The following PLCG1 variants were observed in gnomAD, a reference collection of about 807,000 sequenced individuals.
The protein encoded by PLCG1 is 1-phosphatidylinositol 4,5-bisphosphate phosphodiesterase gamma-1.
Under a neutral mutation model 177.8 loss-of-function variants are expected in PLCG1, and 71 were observed. The observed-to-expected ratio is 0.40, with a 90% CI of 0.33 to 0.49. PLCG1 has a LOEUF of 0.49. Among genes scored for constraint, PLCG1 ranks in the 20% least tolerant of loss-of-function variants. PLCG1 has a pLI of 0.72. For synonymous variants in PLCG1, 658 were observed against 647.9 expected (o/e 1.02, Z -0.24); for missense variants, 1,281 against 1,709.0 (o/e 0.75, Z 4.42).
At chr20:41,171,164 C>A (rs1195600162) in intron 24 of PLCG1, among the ~76,000 whole-genome samples, 1 of 152,166 alleles carries the variant, frequency 6.6e-6, no homozygotes, top group Non-Finnish European at 1.5e-5. Context: ...GAGAGGGCAC[C>A]CGCAAGCCAA....
In PLCG1 at chr20:41,173,998, T is replaced by C. The variant is rs765347809; in HGVS notation, c.3632T>C (p.Ile1211Thr). 3.7e-6 allele frequency: 6 copies of C among 1,613,774 alleles called. 1 individual carries two copies. In the South Asian group the frequency reaches 6.6e-5, roughly 18 times the overall value. ...ELASLLIKIDIFPAKQENGDL... is the reference protein window; with the variant it reads ...ELASLLIKIDTFPAKQENGDL... The stretch of plus-strand genomic sequence containing the variant: ...GCCTCCCTGCTGATCAAGATTGACA[T>C]TTTCCCTGCCAAGGTATCTGCAGCA... The change falls in exon 30 of 32, where the codon ATT (isoleucine) becomes ACT (threonine). Residue 1211 changes from isoleucine (I) to threonine (T), a missense_variant. Coordinates refer to ENST00000685551, the MANE Select transcript of PLCG1 (RefSeq NM_002660.3). The surrounding 1 kb of genome is among the most constrained non-coding windows in gnomAD (Gnocchi z 6.2).
rs571170027 is a variant in PLCG1, at chr20:41,177,314, G to T, written c.*2805G>T. 3.9e-5 allele frequency: 6 copies of T among 152,270 alleles called. No individual in the cohort carries two copies. Among genetic ancestry groups the T allele is most frequent in the Non-Finnish European group, 2.9e-5 (2 of 68,056 alleles). The allele number at this position is 152,270 out of a possible 1,614,324, so 9.4% of individuals were successfully genotyped here. ...ACAAGGTCAGGGGCATTCTGCCCCC[G>T]CCACAGGACTAAAGACTGCCCTGCG... is the stretch of plus-strand genomic sequence containing the variant. On this transcript the variant is annotated 3_prime_UTR_variant, in exon 32 of 32. Transcript: ENST00000685551.
In PLCG1 at chr20:41,173,698, C is replaced by T; in HGVS notation, c.3441C>T (p.Phe1147=). 6.2e-7 allele frequency: 1 copy of T among 1,614,212 alleles called. No homozygotes were observed. The highest frequency in any genetic ancestry group is 8.5e-7 in the Non-Finnish European group (1 of 1,180,040). ...NPVWPAKPFH[F]QISNPEFAFL... ...TATGGCCAGCCAAGCCCTTCCACTT[C>T]CAGATCAGTAACCCTGAATTTGCCT... The change falls in exon 29 of 32, where the codon TTC becomes TTT. Residue 1147 remains phenylalanine, a synonymous_variant. Coordinates refer to ENST00000685551, the MANE Select transcript of PLCG1 (RefSeq NM_002660.3). The surrounding 1 kb of genome is among the most constrained non-coding windows in gnomAD (Gnocchi z 6.2).
Position 41,160,783 on chromosome 20 carries a change from G to T in PLCG1, c.512+630G>T, listed in dbSNP as rs1391922081. Among the ~76,000 whole-genome samples, 1 of 152,212 alleles carries T rather than the reference G, an allele frequency of 6.6e-6. No individual in the cohort carries two copies. Among genetic ancestry groups the T allele is most frequent in the Non-Finnish European group, 1.5e-5 (1 of 68,040 alleles). On this transcript the variant is annotated intron_variant, in intron 4 of 31. Coordinates refer to ENST00000685551, the MANE Select transcript of PLCG1 (RefSeq NM_002660.3). This position sits in a 1 kb window ranked among gnomAD's most constrained non-coding sequence, Gnocchi z 5.5. The stretch of plus-strand genomic sequence containing the variant: ...TGTATTTTGAAGATAGCGCCAGAAA[G>T]AATGTCCTTAACAGATTGATTTTGG...
rs1378297141 is a variant in PLCG1, at chr20:41,165,633, T to G, written c.1612-6T>G. 6.2e-7 allele frequency: 1 copy of G among 1,612,684 alleles called. No individual in the cohort carries two copies. ...CAGTATCTTTGCTGTTGCCTTCCCCTGACAGGTCAGCAGCAGCACAGAGCT... is the reference window on the plus strand; with the variant it reads ...CAGTATCTTTGCTGTTGCCTTCCCCGGACAGGTCAGCAGCAGCACAGAGCT... On this transcript the variant is annotated splice_region_variant and splice_polypyrimidine_tract_variant and intron_variant, in intron 15 of 31. Coordinates refer to ENST00000685551, the MANE Select transcript of PLCG1 (RefSeq NM_002660.3). The surrounding 1 kb of genome is among the most constrained non-coding windows in gnomAD (Gnocchi z 6.6).
In PLCG1 at chr20:41,160,061, A is replaced by C; in HGVS notation, c.465-45A>C. 1 of 1,609,776 alleles carries C rather than the reference A, an allele frequency of 6.2e-7. No homozygotes were observed. Among genetic ancestry groups the C allele is most frequent in the Non-Finnish European group, 8.5e-7 (1 of 1,176,058 alleles). ...TGTGCCCAGACATCTCCCAGGCCTGACTGTAGATGGAGAAGTGGCCCTCAC... is the reference window on the plus strand; with the variant it reads ...TGTGCCCAGACATCTCCCAGGCCTGCCTGTAGATGGAGAAGTGGCCCTCAC... On this transcript the variant is annotated intron_variant, in intron 3 of 31. Coordinates refer to ENST00000685551, the MANE Select transcript of PLCG1 (RefSeq NM_002660.3). The surrounding 1 kb of genome is among the most constrained non-coding windows in gnomAD (Gnocchi z 5.5).
rs951035459 is a variant in PLCG1, at chr20:41,159,510, G to A, written c.218-96G>A. The A allele has an allele frequency of 4.6e-6, 6 of 1,294,516 alleles. No homozygotes were observed. Among genetic ancestry groups the A allele is most frequent in the Non-Finnish European group, 5.4e-6 (5 of 925,916 alleles). 80.2% of individuals were successfully genotyped at this position (1,294,516 alleles called of 1,614,324 possible). A position where few individuals can be genotyped will look rare whatever the true frequency, so the allele number is the denominator to read the frequency against. On this transcript the variant is annotated intron_variant, in intron 1 of 31. Transcript: ENST00000685551. The surrounding 1 kb of genome is among the most constrained non-coding windows in gnomAD (Gnocchi z 6.0). ...CTCTGCCTCTGGGGTTCCTCCCTGAGAGAGAGTGTAAGAATGAGGAAACCA... is the reference window on the plus strand; with the variant it reads ...CTCTGCCTCTGGGGTTCCTCCCTGAAAGAGAGTGTAAGAATGAGGAAACCA...
intron 1 of PLCG1, among the ~76,000 whole-genome samples, chr20:41,149,269 T>C (rs534497575): frequency 6.6e-6 from 1 of 152,340 alleles, no homozygotes; most frequent in East Asian, 1.9e-4. Context: ...TTCAAGCTCC[T>C]TGAGGTACTT....
Position 41,167,759 on chromosome 20 carries a change from C to A in PLCG1, c.2302-93C>A, listed in dbSNP as rs34557884. The A allele has an allele frequency of 1.4e-3, 1,237 of 896,020 alleles. 13 individuals carry two copies. In the African/African-American group the frequency reaches 0.018, roughly 13 times the overall value. 55.5% of individuals were successfully genotyped at this position (896,020 alleles called of 1,614,324 possible). A position where few individuals can be genotyped will look rare whatever the true frequency, so the allele number is the denominator to read the frequency against. On this transcript the variant is annotated intron_variant, in intron 19 of 31. Transcript: ENST00000685551. This position sits in a 1 kb window ranked among gnomAD's most constrained non-coding sequence, Gnocchi z 4.4. ...GTGGATCAGGTGCAAGTTTGCTGCA[C>A]TGGGGGAAAGGGAAGCTGCTCCAGA... is the stretch of plus-strand genomic sequence containing the variant.
At position 41,144,566 on chromosome 20, in the gene PLCG1, C is replaced by T. The variant is rs780909819; in HGVS notation, c.217+6708C>T. On this transcript the variant is annotated intron_variant, in intron 1 of 31. Coordinates refer to ENST00000685551, the MANE Select transcript of PLCG1 (RefSeq NM_002660.3). The surrounding 1 kb of genome is among the most constrained non-coding windows in gnomAD (Gnocchi z 4.1). The stretch of plus-strand genomic sequence containing the variant: ...GGGGTGGGACACAGAAGAGCCTCAC[C>T]CTCTTGACTTTCTGGTTTGTGGTGA... Among the ~76,000 whole-genome samples the T allele has an allele frequency of 4.6e-5, 7 of 152,154 alleles. No homozygotes were observed. The highest frequency in any genetic ancestry group is 4.6e-4 in the Admixed American group (7 of 15,276).
In PLCG1 at chr20:41,173,465, T is replaced by A; in HGVS notation, c.3325T>A (p.Cys1109Ser). The A allele has an allele frequency of 6.2e-7, 1 of 1,613,344 alleles. No individual in the cohort carries two copies. The highest frequency in any genetic ancestry group is 8.5e-7 in the Non-Finnish European group (1 of 1,179,534). ...GCCAAAGAATGGCCGAGGCATTGTG[T>A]GTCCTTTTGTGGAGATTGAGGTGGC... ...HLPKNGRGIV[C>S]PFVEIEVAGA... Residue 1109 changes from cysteine (C) to serine (S), a missense_variant, in exon 28 of 32, where the codon TGT becomes AGT. By Grantham distance (112) the Cys-to-Ser change is moderately radical (BLOSUM62 -1). This residue lies in a region of PLCG1 where 723 missense variants were observed against 1,030.0 expected (regional missense o/e 0.70). Coordinates refer to ENST00000685551, the MANE Select transcript of PLCG1 (RefSeq NM_002660.3). The surrounding 1 kb of genome is among the most constrained non-coding windows in gnomAD (Gnocchi z 6.2).
intron 1 of PLCG1, among the ~76,000 whole-genome samples, chr20:41,149,471 AG>A (rs1439665103): frequency 1.3e-5 from 2 of 152,188 alleles, no homozygotes; most frequent in Non-Finnish European, 1.5e-5. Context: ...TAGCTGACCC[AG>A]GGGGTATGGC....
In PLCG1 at chr20:41,166,742, C is replaced by T; in HGVS notation, c.2184C>T (p.Asn728=). The T allele has an allele frequency of 6.2e-7, 1 of 1,614,118 alleles. No individual in the cohort carries two copies. Among genetic ancestry groups the T allele is most frequent in the East Asian group, 2.2e-5 (1 of 44,884 alleles). Residue 728 remains asparagine (N), a synonymous_variant, in exon 19 of 32, where the codon AAC becomes AAT. Transcript: ENST00000685551. This position sits in a 1 kb window ranked among gnomAD's most constrained non-coding sequence, Gnocchi z 8.6. ...QQEGQTVMLG[N]SEFDSLVDLI... Reference sequence around the variant, plus strand: ...AGGGCCAGACAGTGATGCTAGGGAACTCGGAGTTCGACAGCCTTGTTGACC... The same window carrying T: ...AGGGCCAGACAGTGATGCTAGGGAATTCGGAGTTCGACAGCCTTGTTGACC...
At chr20:41,171,347 G>A (rs1394524144) in intron 24 of PLCG1, among the ~76,000 whole-genome samples, 4 of 152,158 alleles carry the variant, frequency 2.6e-5, no homozygotes, top group Non-Finnish European at 5.9e-5. Flanking sequence ...AGCACTTTGG[G>A]AGGCCGAGAT....
At position 41,172,592 on chromosome 20, in the gene PLCG1, T is replaced by C. The variant is rs2035938103; in HGVS notation, c.3077T>C (p.Leu1026Ser). The change falls in exon 26 of 32, where the codon TTG becomes TCG. Residue 1026 changes from leucine to serine, a missense_variant. This residue lies in a region of PLCG1 where 723 missense variants were observed against 1,030.0 expected (regional missense o/e 0.70). Transcript: ENST00000685551. This position sits in a 1 kb window ranked among gnomAD's most constrained non-coding sequence, Gnocchi z 7.0. The part of the protein sequence containing the change: ...QRLDSSNYDP[L>S]PMWICGSQLV... ...CTGGATTCCTCCAACTACGATCCTT[T>C]GCCCATGTGGATCTGTGGCAGTCAG... 1.2e-6 allele frequency: 2 copies of C among 1,614,242 alleles called. No homozygotes were observed. Among genetic ancestry groups the C allele is most frequent in the African/African-American group, 1.3e-5 (1 of 75,070 alleles).
chr20:41,139,516 A>G (rs1368952642), intron 1 of PLCG1, among the ~76,000 whole-genome samples: 2 of 152,194 alleles, frequency 1.3e-5, no homozygotes, highest in African/African-American at 4.8e-5. Context: ...TTTGAAGCCC[A>G]TATATTCATT....
chr20:41,173,974 C>A lies in PLCG1; in HGVS notation c.3608C>A (p.Ala1203Asp), dbSNP rs1318448095. The A allele has an allele frequency of 6.2e-7, 1 of 1,613,970 alleles. No homozygotes were observed. Among genetic ancestry groups the A allele is most frequent in the African/African-American group, 1.3e-5 (1 of 74,918 alleles). ...AACTACAGTGAGGACCTGGAGTTGG[C>A]CTCCCTGCTGATCAAGATTGACATT... ...KNNYSEDLEL[A>D]SLLIKIDIFP... Residue 1203 changes from alanine to aspartate, a missense_variant, in exon 30 of 32, where the codon GCC (alanine) becomes GAC (aspartate). Around this residue, in one of 4 missense-constraint regions of PLCG1, gnomAD observed 153 missense variants for 153.2 expected, o/e 1.00. Transcript: ENST00000685551. The surrounding 1 kb of genome is among the most constrained non-coding windows in gnomAD (Gnocchi z 6.2).
Position 41,164,446 on chromosome 20 carries a change from C to T in PLCG1, c.1217+245C>T, listed in dbSNP as rs1458615673. Among the ~76,000 whole-genome samples, 1 of 152,120 alleles carries T rather than the reference C, an allele frequency of 6.6e-6. No individual in the cohort carries two copies. The highest frequency in any genetic ancestry group is 1.9e-4 in the East Asian group (1 of 5,174). ...TTCATGGGTCCTTTAGACTGTAGAA[C>T]ACATGCTCTTCTCATCTTCAGAAAA... On this transcript the variant is annotated intron_variant, in intron 12 of 31. Coordinates refer to ENST00000685551, the MANE Select transcript of PLCG1 (RefSeq NM_002660.3). This position sits in a 1 kb window ranked among gnomAD's most constrained non-coding sequence, Gnocchi z 6.4.
chr20:41,155,349 G>A (rs1200990711), intron 1 of PLCG1, among the ~76,000 whole-genome samples: 3 of 152,190 alleles, frequency 2.0e-5, no homozygotes, highest in Non-Finnish European at 4.4e-5. Context: ...TCTGTTGTGG[G>A]TCTACTCCCA....
Sources: allele counts gnomAD v4.1 joint callset (sites outside exome capture counted in the v4.1 genomes callset), GRCh38; gene constraint gnomAD v4.1.1; regional missense constraint gnomAD v4.1.1; non-coding constraint Gnocchi (gnomAD v3.1); transcripts MANE v1.5; gene names NCBI Gene and HGNC (gene_info 2026-07-23, HGNC 2026-07-21).